ZNF664: variants seen among roughly 807,000 people sequenced by gnomAD.
ZNF664 encodes the protein zinc finger protein 664, also known as zinc finger Organ of Corti 1.
A neutral mutation model predicts 18.2 loss-of-function variants in ZNF664; 10 were observed. The ratio of observed to expected loss-of-function variants is 0.55; its 90% confidence interval spans 0.34 to 0.93. ZNF664 has a LOEUF of 0.93. Ranked by LOEUF, ZNF664 falls within the 40% of genes least tolerant of loss-of-function variation. ZNF664 has a pLI of 0.02. For missense variants in ZNF664, 193 were observed against 319.0 expected (o/e 0.61, Z 3.01); for synonymous variants, 119 against 104.2 (o/e 1.14, Z -0.86).
intron 3 of ZNF664, among the ~76,000 whole-genome samples, chr12:123,993,391 A>G (rs1466746965): frequency 6.6e-6 from 1 of 152,244 alleles, no homozygotes; most frequent in African/African-American, 2.4e-5. Flanking sequence ...GGGATCTGAC[A>G]TTCCACAGTC....
chr12:124,011,375 C>T lies in ZNF664; in HGVS notation c.-660-6C>T. 1 of 799,874 alleles carries T rather than the reference C, an allele frequency of 1.3e-6. No homozygotes were observed. Among genetic ancestry groups the T allele is most frequent in the African/African-American group, 1.9e-5 (1 of 52,496 alleles). 49.5% of individuals were successfully genotyped at this position (799,874 alleles called of 1,614,324 possible). On this transcript the variant is annotated splice_polypyrimidine_tract_variant and splice_region_variant and intron_variant, in intron 3 of 4. Coordinates refer to ENST00000337815, the MANE Select transcript of ZNF664 (RefSeq NM_152437.3). The stretch of plus-strand genomic sequence containing the variant: ...GAGCATGATATCTACAAATTCTCTC[C>T]TTCAGACCTGCAAATCCAAGAGACA...
intron 2 of ZNF664, among the ~76,000 whole-genome samples, chr12:123,987,619 C>T (rs115352390): frequency 4.9e-4 from 75 of 152,288 alleles, no homozygotes; most frequent in African/African-American, 1.5e-3. Flanking sequence ...CAGTCTGACT[C>T]CAGTTTGTGC....
Position 124,014,355 on chromosome 12 carries a change from G to C in ZNF664, c.*1425G>C, listed in dbSNP as rs935841900. 1 of 167,130 alleles carries C rather than the reference G, an allele frequency of 6.0e-6. No homozygotes were observed. Among genetic ancestry groups the C allele is most frequent in the Non-Finnish European group, 1.5e-5 (1 of 68,176 alleles). 10.4% of individuals were successfully genotyped at this position (167,130 alleles called of 1,614,324 possible). A position where few individuals can be genotyped will look rare whatever the true frequency, so the allele number is the denominator to read the frequency against. On this transcript the variant is annotated 3_prime_UTR_variant, in exon 5 of 5. Coordinates refer to ENST00000337815, the MANE Select transcript of ZNF664 (RefSeq NM_152437.3). ...ACTGGCATTCGCAAGCAGTGGGGAAGGGGAGAGATGCCGAGGTGGTCAGTA... is the reference window on the plus strand; with the variant it reads ...ACTGGCATTCGCAAGCAGTGGGGAACGGGAGAGATGCCGAGGTGGTCAGTA...
intron 2 of ZNF664, 160 bp downstream of exon 2, chr12:123,974,180 C>G (rs753716024): frequency 3.2e-4 from 143 of 443,250 alleles, no homozygotes; most frequent in Admixed American, 6.2e-4. Context: ...TCCATCTCTC[C>G]GCCACATCAC....
At chr12:124,007,529 G>A (rs1430720119) in intron 3 of ZNF664, among the ~76,000 whole-genome samples, 1 of 152,206 alleles carries the variant, frequency 6.6e-6, no homozygotes, top group African/African-American at 2.4e-5. Flanking sequence ...CTGCTGTCCA[G>A]AGGCCTCTTC....
Position 124,012,478 on chromosome 12 carries a change from G to T in ZNF664, c.334G>T (p.Glu112Ter), listed in dbSNP as rs767029179. Reference sequence around the variant, plus strand: ...AATTCATATGAGAGTTCATACAGGTGAGAAACCGTATGTCTGTAGTGAGTG... The same window carrying T: ...AATTCATATGAGAGTTCATACAGGTTAGAAACCGTATGTCTGTAGTGAGTG... ...LQIHMRVHTG[E>*]KPYVCSECGR... Residue 112 changes from glutamate to a stop codon, truncating the protein, a stop_gained, in exon 5 of 5, where the codon GAG becomes TAG. Coordinates refer to ENST00000337815, the MANE Select transcript of ZNF664 (RefSeq NM_152437.3). LOFTEE classifies it high-confidence loss of function. The T allele has an allele frequency of 2.5e-6, 4 of 1,614,188 alleles. No homozygotes were observed. The highest frequency in any genetic ancestry group is 3.4e-6 in the Non-Finnish European group (4 of 1,180,034).
intron 2 of ZNF664, among the ~76,000 whole-genome samples, chr12:123,983,165 A>G (rs2045310166): frequency 6.6e-6 from 1 of 152,226 alleles, no homozygotes; most frequent in African/African-American, 2.4e-5. Flanking sequence ...AAAAAAAGAA[A>G]GCAAGCAAGT....
chr12:124,010,011 T>C (rs937737121), intron 3 of ZNF664, among the ~76,000 whole-genome samples: 2 of 152,124 alleles, frequency 1.3e-5, no homozygotes, highest in African/African-American at 4.8e-5. Flanking sequence ...TCCCTATCGA[T>C]GGCCTTCGGT....
At chr12:123,988,581 G>A (rs1011915629) in intron 3 of ZNF664, among the ~76,000 whole-genome samples, 5 of 151,398 alleles carry the variant, frequency 3.3e-5, no homozygotes, top group African/African-American at 7.3e-5. Context: ...TAAATTTCTG[G>A]TGTTTTTTTT....
At chr12:123,980,113 A>C (rs562485847) in intron 2 of ZNF664, among the ~76,000 whole-genome samples, 1 of 152,372 alleles carries the variant, frequency 6.6e-6, no homozygotes, top group South Asian at 2.1e-4. Context: ...CAAAATAATG[A>C]AGGGTGAGTG....
At position 124,013,988 on chromosome 12, in the gene ZNF664, A is replaced by C. The variant is rs1368861908; in HGVS notation, c.*1058A>C. The C allele has an allele frequency of 1.8e-5, 3 of 167,060 alleles. No individual in the cohort carries two copies. In the East Asian group the frequency reaches 5.8e-4, roughly 32 times the overall value. The allele number at this position is 167,060 out of a possible 1,614,324, so 10.3% of individuals were successfully genotyped here. ...TTCATTCAACAAATATGTATTGAAC[A>C]CCTCCTATATGCCAGGCACTGTGCT... On this transcript the variant is annotated 3_prime_UTR_variant, in exon 5 of 5. Transcript: ENST00000337815.
At chr12:123,994,404 T>C (rs1291206185) in intron 3 of ZNF664, among the ~76,000 whole-genome samples, 1 of 152,244 alleles carries the variant, frequency 6.6e-6, no homozygotes, top group Non-Finnish European at 1.5e-5. Context: ...TTAAAAATGA[T>C]AAACTCATTA....
At chr12:124,009,225 C>CT (rs1957107590) in intron 3 of ZNF664, among the ~76,000 whole-genome samples, 1 of 152,100 alleles carries the variant, frequency 6.6e-6, no homozygotes, top group Non-Finnish European at 1.5e-5. Context: ...TTCTTTGCAG[C>CT]TTATTTGTCA....
intron 3 of ZNF664, among the ~76,000 whole-genome samples, chr12:123,990,787 G>A (rs1956880013): frequency 6.6e-6 from 1 of 152,356 alleles, no homozygotes; most frequent in Admixed American, 6.5e-5. Flanking sequence ...GGAAGGATAA[G>A]GAAGAGGCAG....
chr12:123,973,256 G>T lies in ZNF664; in HGVS notation c.-988G>T. 1 of 998,226 alleles carries T rather than the reference G, an allele frequency of 1.0e-6. No homozygotes were observed. 61.8% of individuals were successfully genotyped at this position (998,226 alleles called of 1,614,324 possible). On this transcript the variant is annotated 5_prime_UTR_variant, in exon 1 of 5. Transcript: ENST00000337815. ...GCGTCTGGGTGTGCGGAGCGCGCGC[G>T]CGCGCGGCTCGGAGGCGCACCTGTG...
At chr12:123,994,634 T>C (rs886989456) in intron 3 of ZNF664, among the ~76,000 whole-genome samples, 2 of 152,194 alleles carry the variant, frequency 1.3e-5, no homozygotes, top group African/African-American at 4.8e-5. Flanking sequence ...GGAAAAGGGA[T>C]TTTAGTAGCC....
chr12:124,010,286 A>G (rs1222576620), intron 3 of ZNF664, among the ~76,000 whole-genome samples: 1 of 152,200 alleles, frequency 6.6e-6, no homozygotes, highest in African/African-American at 2.4e-5. Context: ...ACACCCATGC[A>G]TGTTCTCTTT....
At position 124,015,103 on chromosome 12, in the gene ZNF664, T is replaced by C. The variant is rs912320074; in HGVS notation, c.*2173T>C. 6.0e-6 allele frequency: 1 copy of C among 167,118 alleles called. No individual in the cohort carries two copies. The highest frequency in any genetic ancestry group is 1.5e-5 in the Non-Finnish European group (1 of 68,136). The allele number at this position is 167,118 out of a possible 1,614,324, so 10.4% of individuals were successfully genotyped here. Reference sequence around the variant, plus strand: ...AGTTGAAATATCATTGATAGAATTTTAGTTTTAGGAAAAATTGGTTTGATT... The same window carrying C: ...AGTTGAAATATCATTGATAGAATTTCAGTTTTAGGAAAAATTGGTTTGATT... On this transcript the variant is annotated 3_prime_UTR_variant, in exon 5 of 5. Coordinates refer to ENST00000337815, the MANE Select transcript of ZNF664 (RefSeq NM_152437.3).
At chr12:123,988,238 CTTTG>C in intron 3 of ZNF664, 100 bp downstream of exon 3, 1 of 1,137,066 alleles carries the variant, frequency 8.8e-7, no homozygotes, top group Non-Finnish European at 1.1e-6. Flanking sequence ...AGCATGTGCC[CTTTG>C]GGCTCAGTGA....
Sources: gnomAD v4.1 joint callset for allele counts (sites outside exome capture counted in the v4.1 genomes callset) on GRCh38, gnomAD v4.1.1 for gene constraint, MANE v1.5 for transcripts, NCBI Gene and HGNC (gene_info 2026-07-23, HGNC 2026-07-21) for gene names.